POLR3G: variants seen among roughly 807,000 people sequenced by gnomAD.
POLR3G encodes the protein DNA-directed RNA polymerase III subunit RPC7.
A neutral mutation model predicts 30.1 loss-of-function variants in POLR3G; 28 were observed. The observed-to-expected ratio is 0.93, with a 90% CI of 0.69 to 1.27. The LOEUF (loss-of-function observed/expected upper bound fraction) is 1.27, where lower values mean the gene tolerates loss of function less well. Ranked by LOEUF, POLR3G falls within the 50% of genes most tolerant of loss-of-function variation. The probability of loss-of-function intolerance (pLI) is 0.00; values close to 1 mark genes in which losing one functional copy is unlikely to be tolerated. For synonymous variants in POLR3G, 79 were observed against 82.5 expected (o/e 0.96, Z 0.23); for missense variants, 254 against 264.6 (o/e 0.96, Z 0.28).
At position 90,474,885 on chromosome 5, in the gene POLR3G, G is replaced by GT. The variant is rs1750707905; in HGVS notation, c.-178dup. On this transcript the variant is annotated 5_prime_UTR_variant, in exon 1 of 8. Transcript: ENST00000651687. ...GCTCACTCCGCGGTCCTGGTGCCGC[G>GT]TGCAGGTCGGTGCGCGCTTCTCCCG... 1 of 152,968 alleles carries GT rather than the reference G, an allele frequency of 6.5e-6. No homozygotes were observed. The highest frequency in any genetic ancestry group is 2.4e-5 in the African/African-American group (1 of 41,476). The allele number at this position is 152,968 out of a possible 1,614,324, so 9.5% of individuals were successfully genotyped here. A position where few individuals can be genotyped will look rare whatever the true frequency, so the allele number is the denominator to read the frequency against.
Position 90,497,718 on chromosome 5 carries a change from A to G in POLR3G, c.355+12A>G, listed in dbSNP as rs1221327908. ...TAAATGTAAAAAAGGTACATTGACTAATATAATAGTAATTCAGGTAGGAAA... is the reference window on the plus strand; with the variant it reads ...TAAATGTAAAAAAGGTACATTGACTGATATAATAGTAATTCAGGTAGGAAA... On this transcript the variant is annotated intron_variant, in intron 5 of 7. Transcript: ENST00000651687. 2 of 1,598,070 alleles carry G rather than the reference A, an allele frequency of 1.3e-6. No individual in the cohort carries two copies. Among genetic ancestry groups the G allele is most frequent in the Non-Finnish European group, 1.7e-6 (2 of 1,173,384 alleles).
intron 3 of POLR3G, 130 bp from the exon 4 acceptor site, chr5:90,495,547 A>T: frequency 7.0e-7 from 1 of 1,427,224 alleles, no homozygotes; most frequent in East Asian, 2.9e-5. Context: ...TCTTATGTAC[A>T]AAGGTGGGAA....
At position 90,477,294 on chromosome 5, in the gene POLR3G, G is replaced by C. The variant is rs78135118; in HGVS notation, c.-44+2274G>C. Reference sequence around the variant, plus strand: ...ATGGTTGACTTGGCCACAGCGTGGGGTGCCTGTGGTGAGAGGCAGAAAGAC... The same window carrying C: ...ATGGTTGACTTGGCCACAGCGTGGGCTGCCTGTGGTGAGAGGCAGAAAGAC... On this transcript the variant is annotated intron_variant, in intron 1 of 7. Transcript: ENST00000651687. Among the ~76,000 whole-genome samples, 305 of 152,342 alleles carry C rather than the reference G, an allele frequency of 2.0e-3. 3 individuals carry two copies. In the East Asian group the frequency reaches 0.02, roughly 10 times the overall value.
intron 1 of POLR3G, among the ~76,000 whole-genome samples, chr5:90,478,529 T>C (rs1211284338): frequency 6.9e-6 from 1 of 144,716 alleles, no homozygotes; most frequent in Non-Finnish European, 1.5e-5. Context: ...AGGGTGTTGC[T>C]TTCCTCTTCT....
Position 90,493,892 on chromosome 5 carries a change from T to A in POLR3G, c.248-1785T>A, listed in dbSNP as rs146293155. ...ATGGCTAATTTTTTTGTGTTTTTAG[T>A]ATAGATGGGGTTTCACCATGTTGGC... On this transcript the variant is annotated intron_variant, in intron 3 of 7. Coordinates refer to ENST00000651687, the MANE Select transcript of POLR3G (RefSeq NM_006467.3). Among the ~76,000 whole-genome samples, 1,228 of 151,380 alleles carry A rather than the reference T, an allele frequency of 8.1e-3. 9 individuals carry two copies. The highest frequency in any genetic ancestry group is 0.031 in the Middle Eastern group (9 of 294).
At chr5:90,485,048 G>A (rs1191325229) in intron 1 of POLR3G, among the ~76,000 whole-genome samples, 2 of 151,512 alleles carry the variant, frequency 1.3e-5, no homozygotes, top group Non-Finnish European at 2.9e-5. Flanking sequence ...GAGTCTCATT[G>A]ATCCCATTCC....
chr5:90,502,031 A>C, intron 6 of POLR3G, 43 bp downstream of exon 6: 1 of 1,590,376 alleles, frequency 6.3e-7, no homozygotes, highest in Non-Finnish European at 8.6e-7. Context: ...GAAAAAATGT[A>C]AAAGATCCTA....
rs1048874410 is a variant in POLR3G, at chr5:90,506,626, C to T, written c.537C>T (p.Asp179=). Residue 179 remains aspartate (D), a synonymous_variant, in exon 7 of 8, where the codon GAC becomes GAT. Transcript: ENST00000651687. ...EKSKEGDDDD[D]DDAAEQEEYD... is the part of the protein sequence containing the mutation. ...GTAAAGAAGGTGATGATGACGATGACGATGATGCCGCAGAACAGGAGGAAT... is the reference window on the plus strand; with the variant it reads ...GTAAAGAAGGTGATGATGACGATGATGATGATGCCGCAGAACAGGAGGAAT... 29 of 1,612,722 alleles carry T rather than the reference C, an allele frequency of 1.8e-5. No homozygotes were observed. The highest frequency in any genetic ancestry group is 1.6e-4 in the East Asian group (7 of 44,832).
intron 5 of POLR3G, among the ~76,000 whole-genome samples, chr5:90,499,157 T>C (rs1473335116): frequency 6.6e-6 from 1 of 152,140 alleles, no homozygotes; most frequent in Non-Finnish European, 1.5e-5. Context: ...TTATCAGAGA[T>C]ATGATCATTG....
In POLR3G at chr5:90,512,192, C is replaced by T; in HGVS notation, c.*53C>T. ...ATGATGCAGCTTCTGAACATTTGGA[C>T]AGACTTGATTTGTATTTTATTTCTG... is the stretch of plus-strand genomic sequence containing the variant. On this transcript the variant is annotated 3_prime_UTR_variant, in exon 8 of 8. Coordinates refer to ENST00000651687, the MANE Select transcript of POLR3G (RefSeq NM_006467.3). 1.8e-6 allele frequency: 2 copies of T among 1,099,532 alleles called. No homozygotes were observed. Among genetic ancestry groups the T allele is most frequent in the South Asian group, 1.3e-5 (1 of 78,874 alleles). The allele number at this position is 1,099,532 out of a possible 1,614,324, so 68.1% of individuals were successfully genotyped here. A position where few individuals can be genotyped will look rare whatever the true frequency, so the allele number is the denominator to read the frequency against.
intron 3 of POLR3G, chr5:90,490,720 C>G: frequency 3.1e-6 from 1 of 325,494 alleles, no homozygotes. Context: ...ACCTCTGTTT[C>G]CTGATATAGT....
At chr5:90,497,508 A>G in intron 4 of POLR3G, 148 bp from the exon 5 acceptor site, 3 of 859,646 alleles carry the variant, frequency 3.5e-6, no homozygotes, top group Non-Finnish European at 5.0e-6. Flanking sequence ...TTTGGTTTTT[A>G]TATGTTTCAA....
chr5:90,474,742 G>T (rs1053842259), upstream of POLR3G: 1 of 191,524 alleles, frequency 5.2e-6, no homozygotes, highest in Non-Finnish European at 1.1e-5. Flanking sequence ...CCCAGCTGGC[G>T]CAGAAAGTGT....
At chr5:90,474,225 A>C, upstream of POLR3G, 1 of 1,613,326 alleles carries the variant, frequency 6.2e-7, no homozygotes, top group Non-Finnish European at 8.5e-7. Flanking sequence ...CGACTCGTAG[A>C]AACGTTCTTG....
At chr5:90,510,581 C>G (rs1038257854) in intron 7 of POLR3G, among the ~76,000 whole-genome samples, 3 of 152,076 alleles carry the variant, frequency 2.0e-5, no homozygotes, top group Admixed American at 2.0e-4. Context: ...TGCCAAAGGT[C>G]TCCTTTACAA....
At chr5:90,509,032 G>A (rs1288331724) in intron 7 of POLR3G, among the ~76,000 whole-genome samples, 1 of 152,178 alleles carries the variant, frequency 6.6e-6, no homozygotes, top group Non-Finnish European at 1.5e-5. Context: ...CTGCACTCCA[G>A]CCTGGGCAAC....
rs746436439 is a variant in POLR3G at position 90,501,855 on chromosome 5, A to G, written c.356-51A>G. 3 of 1,598,758 alleles carry G rather than the reference A, an allele frequency of 1.9e-6. No homozygotes were observed. The East Asian group carries it at 7.0e-5, about 37-fold the overall frequency. On this transcript the variant is annotated intron_variant, in intron 5 of 7. Transcript: ENST00000651687. The stretch of plus-strand genomic sequence containing the variant: ...GCATACGCAAAGACAAGGAAATATA[A>G]TACAGAGTTGCAGTTGCAGAAAAAT...
At chr5:90,474,216 G>C (rs183138268), upstream of POLR3G, 1 of 1,612,842 alleles carries the variant, frequency 6.2e-7, no homozygotes, top group South Asian at 1.1e-5. Flanking sequence ...ACGGTTGCCC[G>C]ACTCGTAGAA....
intron 3 of POLR3G, among the ~76,000 whole-genome samples, chr5:90,495,177 TA>T (rs770826463): frequency 2.6e-5 from 4 of 152,204 alleles, no homozygotes; most frequent in Non-Finnish European, 5.9e-5. Context: ...AAAATCAGTA[TA>T]TATTTGGTCC....
Sources: allele counts gnomAD v4.1 joint callset (sites outside exome capture counted in the v4.1 genomes callset), GRCh38; gene constraint gnomAD v4.1.1; transcripts MANE v1.5; gene names NCBI Gene and HGNC (gene_info 2026-07-23, HGNC 2026-07-21).